The following TMEM117 variants were observed in gnomAD, a reference collection of about 807,000 sequenced individuals.
TMEM117 encodes transmembrane protein 117.
TMEM117 carries 27 observed loss-of-function variants against 52.4 expected under a neutral mutation model. The ratio of observed to expected loss-of-function variants is 0.51; its 90% CI spans 0.38 to 0.71. TMEM117 has a LOEUF of 0.71. TMEM117 is among the 30% of genes least tolerant of loss of function. The pLI is 0.00. For missense variants in TMEM117, 556 were observed against 630.5 expected (o/e 0.88, Z 1.26); for synonymous variants, 215 against 206.3 (o/e 1.04, Z -0.36).
chr12:43,970,107 A>G (rs955187420), intron 3 of TMEM117, among the ~76,000 whole-genome samples: 1 of 152,076 alleles, frequency 6.6e-6, no homozygotes, highest in African/African-American at 2.4e-5. Context: ...TGTTCAGCAT[A>G]TCCACATTGG....
intron 4 of TMEM117, among the ~76,000 whole-genome samples, chr12:44,170,187 T>C (rs111336533): frequency 0.15 from 23,011 of 150,862 alleles, 2,270 homozygotes; most frequent in African/African-American, 0.28. Flanking sequence ...AGCAAACTAT[T>C]GCAAGGACAA....
At chr12:43,956,972 C>A (rs955950213) in intron 3 of TMEM117, among the ~76,000 whole-genome samples, 3 of 151,990 alleles carry the variant, frequency 2.0e-5, no homozygotes, top group Non-Finnish European at 4.4e-5. Flanking sequence ...AGTATGCAGA[C>A]ATAAAAAAGA....
At chr12:43,817,012 C>T in the TMEM117 span, among the ~76,000 whole-genome samples, 1 of 152,202 alleles carries the variant, frequency 6.6e-6, no homozygotes, top group Admixed American at 6.5e-5. Flanking sequence ...CATCAAAGAG[C>T]ACACTGGATT....
At chr12:44,226,636 G>A (rs1011836900) in intron 5 of TMEM117, among the ~76,000 whole-genome samples, 2 of 152,056 alleles carry the variant, frequency 1.3e-5, no homozygotes, top group Admixed American at 6.6e-5. Context: ...ACTTCAAAGA[G>A]GTGATAAGGT....
At chr12:43,980,602 A>C (rs1374385987) in intron 3 of TMEM117, among the ~76,000 whole-genome samples, 2 of 152,156 alleles carry the variant, frequency 1.3e-5, no homozygotes, top group African/African-American at 4.8e-5. Flanking sequence ...GTGGGCACCA[A>C]TGACTTACTG....
At chr12:43,916,288 C>T (rs1259041947) in intron 2 of TMEM117, among the ~76,000 whole-genome samples, 1 of 152,016 alleles carries the variant, frequency 6.6e-6, no homozygotes, top group South Asian at 2.1e-4. Flanking sequence ...AATTATTAAA[C>T]TAAAACAAGA....
chr12:44,255,827 A>G (rs1340799640), intron 5 of TMEM117, among the ~76,000 whole-genome samples: 1 of 152,090 alleles, frequency 6.6e-6, no homozygotes, highest in Non-Finnish European at 1.5e-5. Context: ...GTGTTTTTCT[A>G]TTAGCATTTA....
At chr12:43,851,347 T>C (rs1176499334) in intron 2 of TMEM117, among the ~76,000 whole-genome samples, 1 of 151,982 alleles carries the variant, frequency 6.6e-6, no homozygotes, top group African/African-American at 2.4e-5. Flanking sequence ...ATGTTTAGAA[T>C]TTTTTTTAGT....
chr12:43,996,983 A>T (rs1199694398), intron 3 of TMEM117, among the ~76,000 whole-genome samples: 1 of 152,250 alleles, frequency 6.6e-6, no homozygotes, highest in Non-Finnish European at 1.5e-5. Flanking sequence ...TTATCCAGAC[A>T]GTGCCTGTGA....
intron 3 of TMEM117, among the ~76,000 whole-genome samples, chr12:44,122,323 C>A (rs111954633): frequency 2.0e-5 from 3 of 152,264 alleles, no homozygotes; most frequent in African/African-American, 7.2e-5. Flanking sequence ...GGATTACAGT[C>A]ATGAGCCACC....
At chr12:44,254,169 A>T (rs887718919) in intron 5 of TMEM117, among the ~76,000 whole-genome samples, 1 of 152,072 alleles carries the variant, frequency 6.6e-6, no homozygotes, top group Non-Finnish European at 1.5e-5. Context: ...AAAAATCACC[A>T]CAAGTAAAAA....
At chr12:44,370,857 T>G (rs1951855305) in intron 6 of TMEM117, among the ~76,000 whole-genome samples, 1 of 152,158 alleles carries the variant, frequency 6.6e-6, no homozygotes, top group South Asian at 2.1e-4. Context: ...AACAAATATT[T>G]GAGTTCTTAC....
chr12:44,353,204 T>G (rs996961026), intron 6 of TMEM117, among the ~76,000 whole-genome samples: 1 of 152,118 alleles, frequency 6.6e-6, no homozygotes, highest in African/African-American at 2.4e-5. Context: ...TAGCCCTTTG[T>G]CAGATGAGTA....
At chr12:44,066,311 G>A (rs1565813855) in intron 3 of TMEM117, among the ~76,000 whole-genome samples, 1 of 152,132 alleles carries the variant, frequency 6.6e-6, no homozygotes, top group Non-Finnish European at 1.5e-5. Context: ...GGCTTTGGCT[G>A]TAGAAGCAAA....
In TMEM117 at chr12:44,361,914, T is replaced by C. The variant is rs116462719; in HGVS notation, c.769-14681T>C. Among the ~76,000 whole-genome samples, 923 of 152,306 alleles carry C rather than the reference T, an allele frequency of 6.1e-3. 12 individuals carry two copies. Among genetic ancestry groups the C allele is most frequent in the African/African-American group, 0.02 (827 of 41,574 alleles). On this transcript the variant is annotated intron_variant, in intron 6 of 7. Transcript: ENST00000266534. ...AGTGTTCAACTCCCTTTCTAGACTG[T>C]GCTCTAAAAAGTCAGAGTGCACATG...
At chr12:43,993,352 A>T (rs1945974089) in intron 3 of TMEM117, among the ~76,000 whole-genome samples, 1 of 152,234 alleles carries the variant, frequency 6.6e-6, no homozygotes, top group South Asian at 2.1e-4. Context: ...CACATAATGG[A>T]TGCTCAACAA....
chr12:43,924,699 T>C (rs574190583), intron 2 of TMEM117, among the ~76,000 whole-genome samples: 75 of 152,344 alleles, frequency 4.9e-4, no homozygotes, highest in African/African-American at 1.8e-3. Flanking sequence ...TTTAGCATGT[T>C]ATTTCCATGC....
In TMEM117 at chr12:43,986,189, T is replaced by A. The variant is rs116510732; in HGVS notation, c.410+41847T>A. 5.3e-3 allele frequency among the ~76,000 whole-genome samples: 808 copies of A among 152,268 alleles called. 11 individuals are homozygous for A. Among genetic ancestry groups the A allele is most frequent in the African/African-American group, 0.018 (754 of 41,568 alleles). On this transcript the variant is annotated intron_variant, in intron 3 of 7. Transcript: ENST00000266534. ...ATGTGTTTTAATTAATTTTTTTGTG[T>A]AAATGTAAATTGTTAATGTTAAAAT...
the TMEM117 span, among the ~76,000 whole-genome samples, chr12:43,810,971 G>A: frequency 6.6e-6 from 1 of 152,302 alleles, no homozygotes; most frequent in South Asian, 2.1e-4. Flanking sequence ...CCCAGAAAAA[G>A]AACTGTTCAA....
Sources: gnomAD v4.1 joint callset for allele counts (sites outside exome capture counted in the v4.1 genomes callset) on GRCh38, gnomAD v4.1.1 for gene constraint, MANE v1.5 for transcripts, NCBI Gene and HGNC (gene_info 2026-07-23, HGNC 2026-07-21) for gene names.